The following JAKMIP2 variants were observed in gnomAD, a reference collection of about 807,000 sequenced individuals.
JAKMIP2 encodes the protein janus kinase and microtubule interacting protein 2, also known as janus kinase and microtubule-interacting protein 2.
Under a neutral mutation model 115.0 loss-of-function variants are expected in JAKMIP2, and 25 were observed. The ratio of observed to expected loss-of-function variants is 0.22; its 90% CI spans 0.16 to 0.30. The LOEUF is 0.30. JAKMIP2 is among the 10% of genes least tolerant of loss of function. The probability of loss-of-function intolerance (pLI) is 1.00; values close to 1 mark genes in which losing one functional copy is unlikely to be tolerated. For synonymous variants in JAKMIP2, 334 were observed against 343.6 expected (o/e 0.97, Z 0.31); for missense variants, 642 against 957.6 (o/e 0.67, Z 4.35).
chr5:147,657,896 G>A (rs1454674684), intron 3 of JAKMIP2, among the ~76,000 whole-genome samples: 15 of 151,872 alleles, frequency 9.9e-5, no homozygotes, highest in Non-Finnish European at 1.2e-4. Context: ...TCTAGTTAGC[G>A]GTTCCTGTAA....
chr5:147,607,401 C>T (rs974517431), intron 20 of JAKMIP2, among the ~76,000 whole-genome samples: 7 of 152,154 alleles, frequency 4.6e-5, no homozygotes, highest in Non-Finnish European at 7.3e-5. Flanking sequence ...TGAATTTTAT[C>T]AAAGGCCTTT....
At chr5:147,667,017 T>C (rs1759334182) in intron 2 of JAKMIP2, among the ~76,000 whole-genome samples, 1 of 152,192 alleles carries the variant, frequency 6.6e-6, no homozygotes, top group Non-Finnish European at 1.5e-5. Flanking sequence ...AACATTACTA[T>C]ATTACATTAT....
intron 1 of JAKMIP2, among the ~76,000 whole-genome samples, chr5:147,707,741 G>A (rs983424237): frequency 1.3e-5 from 2 of 152,134 alleles, no homozygotes; most frequent in Non-Finnish European, 2.9e-5. Context: ...AGTGGGTTTT[G>A]ATACTAAATT....
At chr5:147,750,254 A>C (rs958796974) in intron 1 of JAKMIP2, among the ~76,000 whole-genome samples, 1 of 152,158 alleles carries the variant, frequency 6.6e-6, no homozygotes, top group Non-Finnish European at 1.5e-5. Flanking sequence ...AGGGCCAAGC[A>C]TGTGAGAAAT....
chr5:147,673,131 G>T (rs768247736), intron 1 of JAKMIP2, among the ~76,000 whole-genome samples: 1 of 152,126 alleles, frequency 6.6e-6, no homozygotes, highest in Non-Finnish European at 1.5e-5. Flanking sequence ...GGTAAAGAAT[G>T]ATGAAAGCCT....
At chr5:147,633,952 T>A (rs1224999928) in intron 12 of JAKMIP2, among the ~76,000 whole-genome samples, 1 of 152,086 alleles carries the variant, frequency 6.6e-6, no homozygotes, top group African/African-American at 2.4e-5. Flanking sequence ...GGCCTCCCAA[T>A]GTGCTAGGAT....
chr5:147,757,550 G>A (rs927525571), intron 1 of JAKMIP2, among the ~76,000 whole-genome samples: 1 of 152,072 alleles, frequency 6.6e-6, no homozygotes. Context: ...TGAGAATCCA[G>A]CCTCTGTTCT....
intron 1 of JAKMIP2, among the ~76,000 whole-genome samples, chr5:147,726,378 CT>C (rs1753517147): frequency 1.3e-5 from 2 of 152,268 alleles, no homozygotes; most frequent in African/African-American, 4.8e-5. Flanking sequence ...AGCCAAGTCA[CT>C]AGGGCTGCCC....
At chr5:147,661,948 G>T (rs1759004488) in intron 2 of JAKMIP2, 1 of 154,416 alleles carries the variant, frequency 6.5e-6, no homozygotes, top group African/African-American at 2.4e-5. Flanking sequence ...TGATAAATGT[G>T]TGTCTTAGAA....
Position 147,764,947 on chromosome 5 carries a change from G to GAAA in JAKMIP2, c.-149+17508_-149+17509insTTT, listed in dbSNP as rs1561582569. ...GAGAGAGAGAGAGAGAGAGAGAGAGGGAGAGAGAGAGAGAGAGAGGGGGAG... is the reference window on the plus strand; with the variant it reads ...GAGAGAGAGAGAGAGAGAGAGAGAGGAAAGAGAGAGAGAGAGAGAGAGGGGGAG... On this transcript the variant is annotated intron_variant, in intron 1 of 21. Coordinates refer to ENST00000616793, the MANE Select transcript of JAKMIP2 (RefSeq NM_001270941.2). Among the ~76,000 whole-genome samples, 20 of 36,582 alleles carry GAAA rather than the reference G, an allele frequency of 5.5e-4. 1 individual carries two copies. In the East Asian group the frequency reaches 7.7e-3, roughly 14 times the overall value. The allele number at this position is 36,582 out of a possible 152,430, so 24.0% of individuals were successfully genotyped here.
intron 21 of JAKMIP2, among the ~76,000 whole-genome samples, chr5:147,592,435 T>C (rs1755144228): frequency 6.6e-6 from 1 of 152,210 alleles, no homozygotes; most frequent in African/African-American, 2.4e-5. Flanking sequence ...GGTGCTACCC[T>C]GGGGATGTGC....
At chr5:147,623,519 A>T in intron 17 of JAKMIP2, 102 bp downstream of exon 17, 1 of 658,804 alleles carries the variant, frequency 1.5e-6, no homozygotes, top group Non-Finnish European at 2.7e-6. Flanking sequence ...GAAAGATGAC[A>T]AACTTTCATC....
chr5:147,644,823 C>T (rs762119411), intron 6 of JAKMIP2, 27 bp downstream of exon 6: 1 of 1,589,648 alleles, frequency 6.3e-7, no homozygotes, highest in Non-Finnish European at 8.6e-7. Context: ...AAGGAAGCTG[C>T]AGTTTTGCAG....
chr5:147,738,230 G>A (rs1196365443), intron 1 of JAKMIP2, among the ~76,000 whole-genome samples: 1 of 152,026 alleles, frequency 6.6e-6, no homozygotes, highest in Non-Finnish European at 1.5e-5. Flanking sequence ...TGCCATTTTA[G>A]TAAAATGCAC....
At position 147,700,830 on chromosome 5, in the gene JAKMIP2, T is replaced by C. The variant is rs564076376; in HGVS notation, c.-148-28876A>G. On this transcript the variant is annotated intron_variant, in intron 1 of 21. Coordinates refer to ENST00000616793, the MANE Select transcript of JAKMIP2 (RefSeq NM_001270941.2). ...TTGTAGCTCTCAGATGCCTTTAATATAGAATTTTTGTAACATATCTGGCTT... is the reference window on the plus strand; with the variant it reads ...TTGTAGCTCTCAGATGCCTTTAATACAGAATTTTTGTAACATATCTGGCTT... Among the ~76,000 whole-genome samples the C allele has an allele frequency of 3.9e-5, 6 of 152,318 alleles. No individual in the cohort carries two copies. The South Asian group carries it at 1.0e-3, about 26-fold the overall frequency.
rs1040487943 is a variant in JAKMIP2, at chr5:147,585,725, T to C, written c.*5982A>G. The C allele has an allele frequency of 3.3e-5, 5 of 152,110 alleles. No individual in the cohort carries two copies. The highest frequency in any genetic ancestry group is 1.2e-4 in the African/African-American group (5 of 41,430). The allele number at this position is 152,110 out of a possible 1,614,324, so 9.4% of individuals were successfully genotyped here. On this transcript the variant is annotated 3_prime_UTR_variant, in exon 22 of 22. Coordinates refer to ENST00000616793, the MANE Select transcript of JAKMIP2 (RefSeq NM_001270941.2). Reference sequence around the variant, plus strand: ...TGAGATGGAAAGAAAGAACCCCAATTGAGGCAGTTGATTGAATGAAAGCTC... The same window carrying C: ...TGAGATGGAAAGAAAGAACCCCAATCGAGGCAGTTGATTGAATGAAAGCTC...
At position 147,590,764 on chromosome 5, in the gene JAKMIP2, T is replaced by A. The variant is rs1755065461; in HGVS notation, c.*943A>T. The A allele has an allele frequency of 6.6e-6, 1 of 152,200 alleles. No individual in the cohort carries two copies. The highest frequency in any genetic ancestry group is 2.1e-4 in the South Asian group (1 of 4,826). The allele number at this position is 152,200 out of a possible 1,614,324, so 9.4% of individuals were successfully genotyped here. A position where few individuals can be genotyped will look rare whatever the true frequency, so the allele number is the denominator to read the frequency against. On this transcript the variant is annotated 3_prime_UTR_variant, in exon 22 of 22. Coordinates refer to ENST00000616793, the MANE Select transcript of JAKMIP2 (RefSeq NM_001270941.2). ...GATGCTCTCTGGCCCATGTTCCCTA[T>A]AGATGTTGGCGTTCTAAACAGAACT...
At chr5:147,724,552 A>T (rs1182663913) in intron 1 of JAKMIP2, among the ~76,000 whole-genome samples, 1 of 152,186 alleles carries the variant, frequency 6.6e-6, no homozygotes, top group Non-Finnish European at 1.5e-5. Flanking sequence ...AATAAAAACC[A>T]TTATCATTTT....
At chr5:147,691,504 T>G (rs992679444) in intron 1 of JAKMIP2, among the ~76,000 whole-genome samples, 3 of 152,218 alleles carry the variant, frequency 2.0e-5, no homozygotes, top group African/African-American at 7.2e-5. Flanking sequence ...ATGCAGACGC[T>G]ATACTCACCT....
Sources: gnomAD v4.1 joint callset for allele counts (sites outside exome capture counted in the v4.1 genomes callset) on GRCh38, gnomAD v4.1.1 for gene constraint, MANE v1.5 for transcripts, NCBI Gene and HGNC (gene_info 2026-07-23, HGNC 2026-07-21) for gene names.